The following ANLN variants were observed in gnomAD, a reference collection of about 807,000 sequenced individuals.
ANLN encodes anillin.
ANLN carries 59 observed loss-of-function variants against 135.1 expected under a neutral mutation model. The ratio of observed to expected loss-of-function variants is 0.44; its 90% CI spans 0.35 to 0.54. The LOEUF is 0.54. ANLN is among the 20% of genes least tolerant of loss of function. ANLN has a pLI of 0.00. For synonymous variants in ANLN, 406 were observed against 456.4 expected, an observed-to-expected ratio of 0.89 and a Z score of 1.41; for missense variants, 1,182 against 1,340.0, an observed-to-expected ratio of 0.88 and a Z score of 1.84.
chr7:36,428,251 A>G, intron 20 of ANLN: 1 of 939,724 alleles, frequency 1.1e-6, no homozygotes, highest in Non-Finnish European at 1.4e-6. Context: ...AGCTACTTTA[A>G]CCAGTTGAGT....
intron 21 of ANLN, among the ~76,000 whole-genome samples, chr7:36,442,934 T>G (rs1788835620): frequency 7.3e-6 from 1 of 136,724 alleles, no homozygotes; most frequent in African/African-American, 2.6e-5. Flanking sequence ...CTGGCCTTTT[T>G]GTTTGTTGTT....
At chr7:36,393,023 T>C (rs1410200121) in intron 1 of ANLN, among the ~76,000 whole-genome samples, 3 of 150,410 alleles carry the variant, frequency 2.0e-5, no homozygotes, top group Non-Finnish European at 4.4e-5. Flanking sequence ...ATTTCTTTTT[T>C]CTTTTTTCGT....
intron 1 of ANLN, 122 bp downstream of exon 1, chr7:36,390,166 AGT>A (rs1351721062): frequency 6.4e-7 from 1 of 1,558,244 alleles, no homozygotes; most frequent in Non-Finnish European, 8.7e-7. Context: ...GCGCGTGCGC[AGT>A]GTGTGCGGGC....
In ANLN at chr7:36,419,542, C is replaced by T. The variant is rs534664911; in HGVS notation, c.1869+63C>T. Reference sequence around the variant, plus strand: ...TAAACTAAGTAGTATTCGTATCTCCCCTTTCTTTTGTTGACAGATGGACAT... The same window carrying T: ...TAAACTAAGTAGTATTCGTATCTCCTCTTTCTTTTGTTGACAGATGGACAT... On this transcript the variant is annotated intron_variant, in intron 10 of 23. Transcript: ENST00000265748. 9 of 1,380,564 alleles carry T rather than the reference C, an allele frequency of 6.5e-6. 1 individual carries two copies. In the African/African-American group the frequency reaches 1.3e-4, roughly 20 times the overall value. The allele number at this position is 1,380,564 out of a possible 1,614,324, so 85.5% of individuals were successfully genotyped here.
intron 20 of ANLN, 32 bp downstream of exon 20, chr7:36,427,060 T>TG: frequency 8.0e-7 from 1 of 1,249,190 alleles, no homozygotes; most frequent in African/African-American, 1.5e-5. Context: ...GGGTGTGGTG[T>TG]TTTTTTTTTA....
intron 2 of ANLN, among the ~76,000 whole-genome samples, chr7:36,398,489 G>A (rs547032353): frequency 2.0e-5 from 3 of 152,268 alleles, no homozygotes; most frequent in African/African-American, 7.2e-5. Context: ...GAGGTGATTA[G>A]GCTGTATAAT....
At chr7:36,421,189 T>C (rs1787861180) in intron 12 of ANLN, among the ~76,000 whole-genome samples, 2 of 151,990 alleles carry the variant, frequency 1.3e-5, no homozygotes, top group African/African-American at 4.8e-5. Flanking sequence ...TGCCTCAGCC[T>C]CCCAAGTAGC....
rs776151259 is a variant in ANLN, at chr7:36,424,530, G to T, written c.2604-15G>T. The T allele has an allele frequency of 1.9e-6, 3 of 1,587,156 alleles. No individual in the cohort carries two copies. In the South Asian group the frequency reaches 3.5e-5, roughly 18 times the overall value. The stretch of plus-strand genomic sequence containing the variant: ...GTTTTCTCTCAAGGTTTTACTTAAT[G>T]CTTTATTTTTCCAGGCAAGATGTAT... On this transcript the variant is annotated splice_polypyrimidine_tract_variant and intron_variant, in intron 15 of 23. Coordinates refer to ENST00000265748, the MANE Select transcript of ANLN (RefSeq NM_018685.5).
chr7:36,422,772 A>G lies in ANLN; in HGVS notation c.2439A>G (p.Leu813=). The G allele has an allele frequency of 6.2e-7, 1 of 1,612,764 alleles. No homozygotes were observed. The highest frequency in any genetic ancestry group is 8.5e-7 in the Non-Finnish European group (1 of 1,179,550). Residue 813 remains leucine (L), a synonymous_variant, in exon 14 of 24, where the codon CTA becomes CTG. Transcript: ENST00000265748. ...CTTTGTCAGAAATCCGCTTGCCTCT[A>G]AAAGCAGATTTTGTCTGCAGTACGG... is the stretch of plus-strand genomic sequence containing the variant. ...SVTLSEIRLP[L]KADFVCSTVQ...
intron 6 of ANLN, 53 bp from the exon 7 acceptor site, chr7:36,411,006 A>G: frequency 6.7e-7 from 1 of 1,481,802 alleles, no homozygotes; most frequent in Non-Finnish European, 9.1e-7. Flanking sequence ...TAGTGTTTGG[A>G]TGTTAAACAT....
rs962522550 is a variant in ANLN, at chr7:36,449,410, G to A, written c.3079-255G>A. The A allele has an allele frequency of 2.7e-5, 7 of 261,092 alleles. No homozygotes were observed. The East Asian group carries it at 5.1e-4, about 19-fold the overall frequency. The allele number at this position is 261,092 out of a possible 1,614,324, so 16.2% of individuals were successfully genotyped here. The stretch of plus-strand genomic sequence containing the variant: ...ATACTGTTGTTTGTATTTTTTATTT[G>A]AAGTTCACCATAATAAAGAGCTTTA... On this transcript the variant is annotated intron_variant, in intron 22 of 23. Transcript: ENST00000265748.
intron 23 of ANLN, among the ~76,000 whole-genome samples, chr7:36,452,060 T>C (rs1789265057): frequency 6.6e-6 from 1 of 152,340 alleles, no homozygotes; most frequent in South Asian, 2.1e-4. Context: ...GGTCTGTGAT[T>C]GCAGCTTTTG....
chr7:36,452,683 T>C lies in ANLN; in HGVS notation c.*83T>C, dbSNP rs1789297250. ...AAGAGCATCAGATTTACTGATTGCA[T>C]TTTATGCTTTAAGTACGAAAGGGTT... On this transcript the variant is annotated 3_prime_UTR_variant, in exon 24 of 24. Transcript: ENST00000265748. The C allele has an allele frequency of 1.3e-6, 2 of 1,524,244 alleles. No homozygotes were observed. Among genetic ancestry groups the C allele is most frequent in the East Asian group, 4.5e-5 (2 of 44,008 alleles). 94.4% of individuals were successfully genotyped at this position (1,524,244 alleles called of 1,614,324 possible). A position where few individuals can be genotyped will look rare whatever the true frequency, so the allele number is the denominator to read the frequency against.
chr7:36,395,916 C>T (rs1305853637), intron 1 of ANLN, among the ~76,000 whole-genome samples: 1 of 152,070 alleles, frequency 6.6e-6, no homozygotes, highest in African/African-American at 2.4e-5. Context: ...CTAAAAGTCT[C>T]ACAATATCAC....
intron 8 of ANLN, among the ~76,000 whole-genome samples, 164 bp downstream of exon 8, chr7:36,416,048 T>C (rs1233987506): frequency 2.6e-5 from 4 of 152,210 alleles, no homozygotes; most frequent in Non-Finnish European, 4.4e-5. Flanking sequence ...AGATGGATTC[T>C]TGCCCTGTTG....
At chr7:36,442,416 T>C (rs1697451315) in intron 21 of ANLN, among the ~76,000 whole-genome samples, 1 of 152,196 alleles carries the variant, frequency 6.6e-6, no homozygotes. Flanking sequence ...TAGGCTGATC[T>C]GCTTACTTAG....
At chr7:36,423,769 A>C (rs774150142) in intron 14 of ANLN, 48 bp from the exon 15 acceptor site, 1 of 1,547,484 alleles carries the variant, frequency 6.5e-7, no homozygotes, top group East Asian at 2.3e-5. Flanking sequence ...TGATTAGCTA[A>C]ATCTGATTTT....
In ANLN at chr7:36,390,003, T is replaced by C; in HGVS notation, c.-24T>C. On this transcript the variant is annotated 5_prime_UTR_variant, in exon 1 of 24. Transcript: ENST00000265748. ...TGAATTTGAACCACCGTTTCCATCG[T>C]CTCGTAGTCCGACGCCTGGGGCGAT... 1 of 1,614,100 alleles carries C rather than the reference T, an allele frequency of 6.2e-7. No homozygotes were observed. The highest frequency in any genetic ancestry group is 8.5e-7 in the Non-Finnish European group (1 of 1,179,960).
At chr7:36,435,739 A>G (rs1013963547) in intron 20 of ANLN, among the ~76,000 whole-genome samples, 41 of 150,412 alleles carry the variant, frequency 2.7e-4, no homozygotes, top group East Asian at 7.8e-4. Context: ...CGGGCGTGGT[A>G]GCGGGCGCCT....
Sources: allele counts gnomAD v4.1 joint callset (sites outside exome capture counted in the v4.1 genomes callset), GRCh38; gene constraint gnomAD v4.1.1; transcripts MANE v1.5; gene names NCBI Gene and HGNC (gene_info 2026-07-23, HGNC 2026-07-21).